MBOAT1: variants seen among roughly 807,000 people sequenced by gnomAD.
The protein encoded by MBOAT1 is membrane-bound glycerophospholipid O-acyltransferase 1.
In MBOAT1, 67 loss-of-function variants were observed where a neutral mutation model predicts 64.4. The observed-to-expected ratio is 1.04, with a 90% CI of 0.85 to 1.27. The LOEUF (loss-of-function observed/expected upper bound fraction) is 1.27, where lower values mean the gene tolerates loss of function less well. Ranked by LOEUF, MBOAT1 falls within the 50% of genes most tolerant of loss-of-function variation. The probability of loss-of-function intolerance (pLI) is 0.00; values close to 1 mark genes in which losing one functional copy is unlikely to be tolerated. For missense variants in MBOAT1, 563 were observed against 604.6 expected (o/e 0.93, Z 0.72); for synonymous variants, 229 against 218.9 (o/e 1.05, Z -0.41).
rs1759825579 is a variant in MBOAT1, at chr6:20,102,322, C to G, written c.1452G>C (p.Gln484His). 6.2e-7 allele frequency: 1 copy of G among 1,614,034 alleles called. No individual in the cohort carries two copies. Among genetic ancestry groups the G allele is most frequent in the Non-Finnish European group, 8.5e-7 (1 of 1,179,978 alleles). Residue 484 changes from glutamine to histidine, a missense_variant, in exon 13 of 13, where the codon CAG (glutamine) becomes CAC (histidine). Transcript: ENST00000324607. ...TTCTCTTATTAATAGAGTTCAGAGT[C>G]TGAGGCCGCCTTTGCGTATGAGCTT... ...KPQAHTQRRP[Q>H]TLNSINKRKT...
intron 1 of MBOAT1, among the ~76,000 whole-genome samples, chr6:20,197,470 C>T (rs1581464164): frequency 6.6e-6 from 1 of 152,136 alleles, no homozygotes; most frequent in East Asian, 1.9e-4. Flanking sequence ...AAATGCATAC[C>T]GGATGGCTTC....
At chr6:20,112,231 CCTT>C (rs1363720266) in intron 11 of MBOAT1, among the ~76,000 whole-genome samples, 1 of 151,958 alleles carries the variant, frequency 6.6e-6, no homozygotes, top group Non-Finnish European at 1.5e-5. Context: ...ATGTTCGTCT[CCTT>C]CTTGGAGGAG....
intron 4 of MBOAT1, among the ~76,000 whole-genome samples, chr6:20,140,796 T>C (rs1171831877): frequency 6.6e-6 from 1 of 152,174 alleles, no homozygotes. Context: ...AAAATCCTAT[T>C]GGTTCTGAGT....
At chr6:20,164,637 T>TA (rs1423447253) in intron 1 of MBOAT1, among the ~76,000 whole-genome samples, 2 of 10,352 alleles carry the variant, frequency 1.9e-4, no homozygotes, top group African/African-American at 2.1e-4. Flanking sequence ...AAGGCATCTT[T>TA]TAAAAAAATT....
At chr6:20,168,502 A>AGAGAGGAGAGGAGAG (rs1226993180) in intron 1 of MBOAT1, among the ~76,000 whole-genome samples, 64 of 92,850 alleles carry the variant, frequency 6.9e-4, no homozygotes, top group Non-Finnish European at 9.7e-4. Flanking sequence ...AGAGAGAGAG[A>AGAGAGGAGAGGAGAG]GAGAGGAGAG....
chr6:20,131,236 A>G (rs1760819596), intron 4 of MBOAT1, 37 bp from the exon 5 acceptor site: 1 of 1,584,810 alleles, frequency 6.3e-7, no homozygotes, highest in Non-Finnish European at 8.7e-7. Flanking sequence ...GATTGGCAAG[A>G]AGGCCATTGA....
chr6:20,190,431 AT>A (rs1762772700), intron 1 of MBOAT1, among the ~76,000 whole-genome samples: 1 of 152,224 alleles, frequency 6.6e-6, no homozygotes, highest in African/African-American at 2.4e-5. Context: ...CTCTGTCTTT[AT>A]TTTAATGACT....
intron 9 of MBOAT1, among the ~76,000 whole-genome samples, chr6:20,116,021 C>T (rs1046298570): frequency 6.6e-6 from 1 of 151,526 alleles, no homozygotes; most frequent in African/African-American, 2.4e-5. Flanking sequence ...AAGGTCTTAT[C>T]CAAGTTCTAG....
chr6:20,117,176 C>G (rs907222590), intron 9 of MBOAT1, among the ~76,000 whole-genome samples: 3 of 152,192 alleles, frequency 2.0e-5, no homozygotes, highest in Admixed American at 2.0e-4. Context: ...AGAACTGATG[C>G]TGGACCTTGC....
In MBOAT1 at chr6:20,100,887, G is replaced by T. The variant is rs576965531; in HGVS notation, c.*1399C>A. On this transcript the variant is annotated 3_prime_UTR_variant, in exon 13 of 13. Transcript: ENST00000324607. Reference sequence around the variant, plus strand: ...ATACCAAGTTTCCTTCTCTCACATAGAATATTACCCAATAGAAGTCTCCAA... The same window carrying T: ...ATACCAAGTTTCCTTCTCTCACATATAATATTACCCAATAGAAGTCTCCAA... 6.6e-6 allele frequency among the ~76,000 whole-genome samples: 1 copy of T among 151,896 alleles called. No homozygotes were observed. Among genetic ancestry groups the T allele is most frequent in the Admixed American group, 6.6e-5 (1 of 15,264 alleles).
rs1763448768 is a variant in MBOAT1 at position 20,212,132 on chromosome 6, T to C, written c.99+4A>G. ...GGGTCGCTGCGCTCCCGGCCTGCAG[T>C]TACCTGGTCCAGCGGGATGCCCAGG... is the stretch of plus-strand genomic sequence containing the variant. On this transcript the variant is annotated splice_donor_region_variant and intron_variant, in intron 1 of 12. Transcript: ENST00000324607. 6.2e-7 allele frequency: 1 copy of C among 1,613,026 alleles called. No homozygotes were observed. The highest frequency in any genetic ancestry group is 8.5e-7 in the Non-Finnish European group (1 of 1,179,682).
chr6:20,105,222 G>T (rs76411616), intron 12 of MBOAT1, among the ~76,000 whole-genome samples: 1 of 152,274 alleles, frequency 6.6e-6, no homozygotes, highest in Non-Finnish European at 1.5e-5. Context: ...ATCTACACTG[G>T]AACAATTACA....
chr6:20,205,662 G>C (rs1034842760), intron 1 of MBOAT1, among the ~76,000 whole-genome samples: 1 of 152,038 alleles, frequency 6.6e-6, no homozygotes, highest in Non-Finnish European at 1.5e-5. Context: ...ACTCCACCAG[G>C]CCTGTCCTCT....
rs762141392 is a variant in MBOAT1 at position 20,212,142 on chromosome 6, C to T, written c.93G>A (p.Leu31=). The stretch of plus-strand genomic sequence containing the variant: ...GCTCCCGGCCTGCAGTTACCTGGTC[C>T]AGCGGGATGCCCAGGAGCTCGCTGA... The part of the protein sequence containing the change: ...HPLSELLGIP[L]DQVNFVVCQL... Residue 31 remains leucine (L), a synonymous_variant, in exon 1 of 13, where the codon CTG becomes CTA. Coordinates refer to ENST00000324607, the MANE Select transcript of MBOAT1 (RefSeq NM_001080480.3). The T allele has an allele frequency of 1.2e-6, 2 of 1,613,518 alleles. No homozygotes were observed. Among genetic ancestry groups the T allele is most frequent in the South Asian group, 1.1e-5 (1 of 91,012 alleles).
chr6:20,203,301 A>C (rs2113773218), intron 1 of MBOAT1, among the ~76,000 whole-genome samples: 1 of 152,358 alleles, frequency 6.6e-6, no homozygotes, highest in East Asian at 1.9e-4. Context: ...GGGCCAAAAA[A>C]AAAAAGATAC....
chr6:20,202,696 G>C (rs1049707603), intron 1 of MBOAT1, among the ~76,000 whole-genome samples: 1 of 151,492 alleles, frequency 6.6e-6, no homozygotes, highest in Non-Finnish European at 1.5e-5. Flanking sequence ...TAAGCCCAAA[G>C]AAATAGTTAT....
At chr6:20,152,849 T>C in intron 1 of MBOAT1, 80 bp from the exon 2 acceptor site, 2 of 893,502 alleles carry the variant, frequency 2.2e-6, no homozygotes, top group Non-Finnish European at 3.2e-6. Flanking sequence ...TTGTTTTGTT[T>C]TGAGACGGAG....
intron 5 of MBOAT1, 24 bp downstream of exon 5, chr6:20,131,120 C>T (rs1019551250): frequency 6.2e-7 from 1 of 1,609,080 alleles, no homozygotes; most frequent in African/African-American, 1.3e-5. Flanking sequence ...CTCTGAGAAC[C>T]AAAAGGAGGG....
chr6:20,165,116 C>A (rs558632432), intron 1 of MBOAT1, among the ~76,000 whole-genome samples: 1 of 152,184 alleles, frequency 6.6e-6, no homozygotes, highest in South Asian at 2.1e-4. Flanking sequence ...TGAGGAGCAT[C>A]TGTAATTAAA....
Sources: gnomAD v4.1 joint callset for allele counts (sites outside exome capture counted in the v4.1 genomes callset) on GRCh38, gnomAD v4.1.1 for gene constraint, MANE v1.5 for transcripts, NCBI Gene and HGNC (gene_info 2026-07-23, HGNC 2026-07-21) for gene names.